Variants in MACROD2 observed in about 807,000 individuals in gnomAD.
MACROD2 encodes mono-ADP ribosylhydrolase 2, also known as ADP-ribose glycohydrolase MACROD2.
A neutral mutation model predicts 70.4 loss-of-function variants in MACROD2; 36 were observed. That is an observed-to-expected ratio of 0.51 (90% CI 0.39 to 0.68). The LOEUF is 0.68. Among genes scored for constraint, MACROD2 ranks in the 30% least tolerant of loss-of-function variants. The pLI is 0.00. For missense variants in MACROD2, 496 were observed against 538.4 expected, an observed-to-expected ratio of 0.92 and a Z score of 0.78; for synonymous variants, 172 against 178.8, an observed-to-expected ratio of 0.96 and a Z score of 0.30.
chr20:14,955,736 G>A (rs919987586), intron 5 of MACROD2, among the ~76,000 whole-genome samples: 1 of 151,962 alleles, frequency 6.6e-6, no homozygotes, highest in African/African-American at 2.4e-5. Flanking sequence ...AATGCATTAT[G>A]ATTTCTTTTA....
At chr20:14,299,906 T>G (rs968069198) in intron 3 of MACROD2, among the ~76,000 whole-genome samples, 1 of 151,928 alleles carries the variant, frequency 6.6e-6, no homozygotes, top group Non-Finnish European at 1.5e-5. Flanking sequence ...AATTTCACAT[T>G]TTTTTTCTGT....
intron 3 of MACROD2, among the ~76,000 whole-genome samples, chr20:14,233,766 C>A (rs1237150689): frequency 6.7e-6 from 1 of 149,054 alleles, no homozygotes; most frequent in Non-Finnish European, 1.5e-5. Flanking sequence ...CATGGAGGTA[C>A]CTTAAATGCC....
intron 3 of MACROD2, among the ~76,000 whole-genome samples, chr20:14,265,893 C>G (rs772658538): frequency 2.5e-4 from 38 of 151,712 alleles, no homozygotes; most frequent in Non-Finnish European, 5.3e-4. Flanking sequence ...TCTCCTGCCT[C>G]AGCCTCCCAA....
intron 6 of MACROD2, among the ~76,000 whole-genome samples, chr20:15,253,177 G>A (rs1279403573): frequency 1.3e-5 from 2 of 152,208 alleles, no homozygotes; most frequent in African/African-American, 4.8e-5. Flanking sequence ...GTTTTTGGGA[G>A]TCCAGTGGGA....
chr20:15,833,994 G>C (rs924004242), intron 8 of MACROD2, among the ~76,000 whole-genome samples: 28 of 152,128 alleles, frequency 1.8e-4, no homozygotes, highest in Admixed American at 2.0e-4. Flanking sequence ...CTCCTGCAAA[G>C]TCTGATCTTC....
At chr20:14,335,177 C>T (rs571544180) in intron 3 of MACROD2, among the ~76,000 whole-genome samples, 5 of 152,176 alleles carry the variant, frequency 3.3e-5, no homozygotes, top group Non-Finnish European at 5.9e-5. Context: ...AAAAATCTCT[C>T]TGCAGTGCAC....
At chr20:15,469,519 T>C (rs1269164561) in intron 7 of MACROD2, among the ~76,000 whole-genome samples, 3 of 152,092 alleles carry the variant, frequency 2.0e-5, no homozygotes, top group Non-Finnish European at 4.4e-5. Flanking sequence ...AGGGCCCCAG[T>C]GTGTCCTTAG....
At chr20:15,881,645 T>C (rs2064756105) in intron 9 of MACROD2, among the ~76,000 whole-genome samples, 1 of 152,130 alleles carries the variant, frequency 6.6e-6, no homozygotes, top group Non-Finnish European at 1.5e-5. Flanking sequence ...TAAATGTGCC[T>C]ACGTCTTAGT....
chr20:14,125,693 T>A (rs1048841831), intron 3 of MACROD2, among the ~76,000 whole-genome samples: 2 of 152,178 alleles, frequency 1.3e-5, no homozygotes, highest in African/African-American at 4.8e-5. Flanking sequence ...CATTTAATGA[T>A]GCATTAGAAA....
At chr20:15,825,578 A>C (rs1235921323) in intron 8 of MACROD2, among the ~76,000 whole-genome samples, 1 of 151,794 alleles carries the variant, frequency 6.6e-6, no homozygotes, top group Admixed American at 6.6e-5. Flanking sequence ...GGCTCACTGC[A>C]AGCTCCGCCT....
At chr20:15,773,688 T>C (rs1277339808) in intron 8 of MACROD2, among the ~76,000 whole-genome samples, 1 of 152,104 alleles carries the variant, frequency 6.6e-6, no homozygotes, top group African/African-American at 2.4e-5. Flanking sequence ...GTTTATAGTT[T>C]TGTTGTTGTT....
At chr20:15,533,042 C>A (rs1242176953) in intron 8 of MACROD2, among the ~76,000 whole-genome samples, 2 of 152,152 alleles carry the variant, frequency 1.3e-5, no homozygotes, top group Admixed American at 6.6e-5. Context: ...TCTATGTCTT[C>A]ATTCTTCTTT....
chr20:14,521,539 T>A (rs1362113080), intron 4 of MACROD2, among the ~76,000 whole-genome samples: 1 of 152,226 alleles, frequency 6.6e-6, no homozygotes, highest in African/African-American at 2.4e-5. Context: ...ATATTATTTT[T>A]TTCTGTATTC....
chr20:15,402,415 A>C (rs2045942516), intron 6 of MACROD2, among the ~76,000 whole-genome samples: 1 of 152,246 alleles, frequency 6.6e-6, no homozygotes, highest in African/African-American at 2.4e-5. Context: ...TGAGAACTAT[A>C]AATATTTTAA....
At chr20:15,304,995 G>A (rs1292661420) in intron 6 of MACROD2, among the ~76,000 whole-genome samples, 1 of 152,212 alleles carries the variant, frequency 6.6e-6, no homozygotes, top group East Asian at 1.9e-4. Flanking sequence ...CAATGGAGAT[G>A]AGCAACTGTA....
chr20:15,253,091 G>A (rs1293511182), intron 6 of MACROD2, among the ~76,000 whole-genome samples: 1 of 152,138 alleles, frequency 6.6e-6, no homozygotes, highest in African/African-American at 2.4e-5. Context: ...AAGAAACAAG[G>A]GAGGAGTTGA....
At chr20:15,780,406 G>A (rs2051811191) in intron 8 of MACROD2, among the ~76,000 whole-genome samples, 1 of 152,066 alleles carries the variant, frequency 6.6e-6, no homozygotes, top group Admixed American at 6.6e-5. Flanking sequence ...GAGAACAAAG[G>A]AAGAAGACTA....
At chr20:15,445,679 C>T (rs984596449) in intron 7 of MACROD2, among the ~76,000 whole-genome samples, 4 of 152,102 alleles carry the variant, frequency 2.6e-5, no homozygotes, top group East Asian at 1.9e-4. Context: ...CCAAAATACC[C>T]GGAAAGCTTG....
chr20:15,800,637 A>G (rs2063715830), intron 8 of MACROD2, among the ~76,000 whole-genome samples: 1 of 151,982 alleles, frequency 6.6e-6, no homozygotes, highest in African/African-American at 2.4e-5. Context: ...GGCCGCCCCT[A>G]CTGGGAAGCG....
Sources: allele counts gnomAD v4.1 joint callset (sites outside exome capture counted in the v4.1 genomes callset), GRCh38; gene constraint gnomAD v4.1.1; transcripts MANE v1.5; gene names NCBI Gene and HGNC (gene_info 2026-07-23, HGNC 2026-07-21).